NAV2: variants seen among roughly 807,000 people sequenced by gnomAD.
The protein encoded by NAV2 is helicase, APC down-regulated 1.
Under a neutral mutation model 223.2 loss-of-function variants are expected in NAV2, and 54 were observed. The observed-to-expected ratio is 0.24, with a 90% confidence interval of 0.19 to 0.30. The LOEUF (loss-of-function observed/expected upper bound fraction) is 0.30, where lower values mean the gene tolerates loss of function less well. NAV2 is among the 10% of genes least tolerant of loss of function. The pLI is 1.00. For missense variants in NAV2, 2,806 were observed against 3,147.5 expected (o/e 0.89, Z 2.60); for synonymous variants, 1,279 against 1,239.3 (o/e 1.03, Z -0.67).
At chr11:19,595,931 C>T (rs964149160) in intron 1 of NAV2, among the ~76,000 whole-genome samples, 11 of 152,062 alleles carry the variant, frequency 7.2e-5, no homozygotes, top group East Asian at 1.9e-4. Flanking sequence ...ATCACAATTC[C>T]GCTCCCAAAC....
At chr11:19,942,719 T>A (rs879424924) in intron 8 of NAV2, among the ~76,000 whole-genome samples, 22 of 152,178 alleles carry the variant, frequency 1.4e-4, no homozygotes, top group Non-Finnish European at 2.9e-4. Context: ...GTGCAGTAGC[T>A]ATACCTGTAA....
At chr11:19,551,844 C>A (rs113945379) in intron 1 of NAV2, among the ~76,000 whole-genome samples, 1 of 152,120 alleles carries the variant, frequency 6.6e-6, no homozygotes, top group African/African-American at 2.4e-5. Flanking sequence ...CTTTTCCTAG[C>A]CTTTCTTTCC....
intron 10 of NAV2, among the ~76,000 whole-genome samples, chr11:19,980,593 T>C (rs2050209104): frequency 6.6e-6 from 1 of 152,204 alleles, no homozygotes; most frequent in Non-Finnish European, 1.5e-5. Context: ...TTTTAACACT[T>C]CTGGGCAAAA....
chr11:19,356,789 G>A (rs554975856), intron 1 of NAV2, among the ~76,000 whole-genome samples: 7 of 152,184 alleles, frequency 4.6e-5, no homozygotes, highest in South Asian at 2.1e-4. Flanking sequence ...GGAATAAAAC[G>A]GCCTTCTTCA....
At chr11:19,987,852 G>A (rs2050935638) in intron 11 of NAV2, among the ~76,000 whole-genome samples, 1 of 152,216 alleles carries the variant, frequency 6.6e-6, no homozygotes. Context: ...TGAGAAGAGA[G>A]GATCAAAAGG....
intron 1 of NAV2, among the ~76,000 whole-genome samples, chr11:19,744,828 G>A (rs1405984612): frequency 6.6e-6 from 1 of 152,150 alleles, no homozygotes; most frequent in Non-Finnish European, 1.5e-5. Context: ...TGACATAGAT[G>A]TCAAATGCCT....
rs1564881228 is a variant in NAV2, at chr11:20,030,981, T to C, written c.2769-4978T>C. 2.6e-5 allele frequency among the ~76,000 whole-genome samples: 4 copies of C among 152,234 alleles called. 1 individual carries two copies. The highest frequency in any genetic ancestry group is 1.3e-4 in the Admixed American group (2 of 15,286). The stretch of plus-strand genomic sequence containing the variant: ...TGATTTACTTCATCATTCTTTTTCA[T>C]CTTTTTAAACCTTTCCCAGATTTAA... On this transcript the variant is annotated intron_variant, in intron 11 of 37. Coordinates refer to ENST00000349880, the MANE Select transcript of NAV2 (RefSeq NM_145117.5).
At chr11:20,041,438 G>A (rs1392361289) in intron 12 of NAV2, among the ~76,000 whole-genome samples, 1 of 152,170 alleles carries the variant, frequency 6.6e-6, no homozygotes, top group Non-Finnish European at 1.5e-5. Flanking sequence ...TAGTGCCTGG[G>A]ACGTAGTAAG....
rs565857342 is a variant in NAV2 at position 19,889,757 on chromosome 11, G to T, written c.771-2677G>T. ...CAAACCACGGATGTTTCATTCCAGA[G>T]AGTGGAGCCCACAGATACCCCAAGT... On this transcript the variant is annotated intron_variant, in intron 5 of 37. Coordinates refer to ENST00000349880, the MANE Select transcript of NAV2 (RefSeq NM_145117.5). Among the ~76,000 whole-genome samples, 17 of 152,304 alleles carry T rather than the reference G, an allele frequency of 1.1e-4. 1 individual carries two copies. In the South Asian group the frequency reaches 3.1e-3, roughly 28 times the overall value.
At position 19,803,311 on chromosome 11, in the gene NAV2, C is replaced by T. The variant is rs150598679; in HGVS notation, c.268-29173C>T. Among the ~76,000 whole-genome samples, 798 of 152,294 alleles carry T rather than the reference C, an allele frequency of 5.2e-3. 4 individuals carry two copies. The highest frequency in any genetic ancestry group is 9.5e-3 in the Non-Finnish European group (644 of 68,028). On this transcript the variant is annotated intron_variant, in intron 1 of 37. Transcript: ENST00000349880. ...ATCAGCTTTGTCTTGAAAATGCAGG[C>T]AGGGAGATACTCCCTCTGGTGAGTA... is the stretch of plus-strand genomic sequence containing the variant.
intron 11 of NAV2, among the ~76,000 whole-genome samples, chr11:20,025,638 A>G (rs1177856327): frequency 6.6e-6 from 1 of 152,240 alleles, no homozygotes; most frequent in East Asian, 1.9e-4. Flanking sequence ...TGAGTTACCA[A>G]AATGGGACAA....
chr11:19,882,773 G>A (rs1042802359), intron 5 of NAV2, among the ~76,000 whole-genome samples: 21 of 152,182 alleles, frequency 1.4e-4, no homozygotes, highest in African/African-American at 4.6e-4. Flanking sequence ...AAAGTGTCCT[G>A]CCATCATGGC....
intron 10 of NAV2, among the ~76,000 whole-genome samples, chr11:19,968,314 CT>C (rs2048943669): frequency 6.6e-6 from 1 of 152,160 alleles, no homozygotes; most frequent in South Asian, 2.1e-4. Context: ...GGATTCTCCG[CT>C]TCCTGATTCT....
At chr11:19,617,944 C>G (rs1417264331) in intron 1 of NAV2, among the ~76,000 whole-genome samples, 1 of 152,130 alleles carries the variant, frequency 6.6e-6, no homozygotes, top group Admixed American at 6.5e-5. Context: ...CAGATATCCC[C>G]ATGACTCACT....
intron 1 of NAV2, among the ~76,000 whole-genome samples, chr11:19,385,975 A>G (rs1849028152): frequency 2.0e-5 from 3 of 152,090 alleles, no homozygotes; most frequent in South Asian, 4.1e-4. Flanking sequence ...CGTCTTAGCC[A>G]GGATGGTCTT....
intron 1 of NAV2, among the ~76,000 whole-genome samples, chr11:19,490,699 C>T (rs567603465): frequency 5.3e-5 from 8 of 152,158 alleles, no homozygotes; most frequent in Admixed American, 6.5e-5. Context: ...CAACTTCTTC[C>T]GAATTTCCAT....
At position 19,717,097 on chromosome 11, in the gene NAV2, T is replaced by C. The variant is rs140810469; in HGVS notation, c.267+3135T>C. 1.5e-4 allele frequency among the ~76,000 whole-genome samples: 23 copies of C among 152,300 alleles called. 1 individual carries two copies. The highest frequency in any genetic ancestry group is 1.5e-3 in the South Asian group (7 of 4,824). On this transcript the variant is annotated intron_variant, in intron 1 of 37. Transcript: ENST00000349880. ...ATTTATAAGACCATTGCTGTAACCATTGAGCTAGATGAGGCTTAGCAAGGT... is the reference window on the plus strand; with the variant it reads ...ATTTATAAGACCATTGCTGTAACCACTGAGCTAGATGAGGCTTAGCAAGGT...
rs141005498 is a variant in NAV2 at position 20,066,664 on chromosome 11, C to T, written c.4885-1522C>T. On this transcript the variant is annotated intron_variant, in intron 20 of 37. Coordinates refer to ENST00000349880, the MANE Select transcript of NAV2 (RefSeq NM_145117.5). ...TATTCCAGCTGATGGATGTGCCCTG[C>T]GAGTTCTAATGAATCATACCCACTT... 8.5e-5 allele frequency among the ~76,000 whole-genome samples: 13 copies of T among 152,234 alleles called. No individual in the cohort carries two copies. The East Asian group carries it at 1.5e-3, about 18-fold the overall frequency.
chr11:20,037,344 AG>A (rs1202233361), intron 12 of NAV2, among the ~76,000 whole-genome samples: 1 of 150,712 alleles, frequency 6.6e-6, no homozygotes, highest in African/African-American at 2.4e-5. Context: ...TTTCTTTTAA[AG>A]GTATCTCTTC....
Sources: gnomAD v4.1 joint callset for allele counts (sites outside exome capture counted in the v4.1 genomes callset) on GRCh38, gnomAD v4.1.1 for gene constraint, MANE v1.5 for transcripts, NCBI Gene and HGNC (gene_info 2026-07-23, HGNC 2026-07-21) for gene names.